The following NCOR1 variants were observed in gnomAD, a reference collection of about 807,000 sequenced individuals.
NCOR1 encodes the protein nuclear receptor corepressor 1, also known as protein phosphatase 1, regulatory subunit 109.
A neutral mutation model predicts 288.1 loss-of-function variants in NCOR1; 63 were observed. The ratio of observed to expected loss-of-function variants is 0.22; its 90% CI spans 0.18 to 0.27. The LOEUF is 0.27. Among genes scored for constraint, NCOR1 ranks in the 10% least tolerant of loss-of-function variants. The probability of loss-of-function intolerance (pLI) is 1.00; values close to 1 mark genes in which losing one functional copy is unlikely to be tolerated. For synonymous variants in NCOR1, 1,007 were observed against 1,065.9 expected (o/e 0.94, Z 1.08); for missense variants, 2,397 against 3,019.2 (o/e 0.79, Z 4.83).
In NCOR1 at chr17:16,206,165, T is replaced by C. The variant is rs541902827; in HGVS notation, c.-71+9197A>G. Reference sequence around the variant, plus strand: ...AACAATCTTTTGGAAGGAAAATGTATAAATATCTATCCATATCTACATTAT... The same window carrying C: ...AACAATCTTTTGGAAGGAAAATGTACAAATATCTATCCATATCTACATTAT... On this transcript the variant is annotated intron_variant, in intron 1 of 45. Coordinates refer to ENST00000268712, the MANE Select transcript of NCOR1 (RefSeq NM_006311.4). Among the ~76,000 whole-genome samples the C allele has an allele frequency of 2.5e-3, 382 of 152,062 alleles. 2 individuals carry two copies. Among genetic ancestry groups the C allele is most frequent in the African/African-American group, 8.9e-3 (371 of 41,494 alleles).
In NCOR1 at chr17:16,057,660, C is replaced by T. The variant is rs2060088712; in HGVS notation, c.6246G>A (p.Gln2082=). 2 of 1,613,448 alleles carry T rather than the reference C, an allele frequency of 1.2e-6. No homozygotes were observed. Among genetic ancestry groups the T allele is most frequent in the Non-Finnish European group, 8.5e-7 (1 of 1,179,836 alleles). ...TAGATACCAAAGCAGAAGGTGAGTTCTGGAATGTAGAAGTAGGAGGCTGCT... is the reference window on the plus strand; with the variant it reads ...TAGATACCAAAGCAGAAGGTGAGTTTTGGAATGTAGAAGTAGGAGGCTGCT... ...TPQQPPTSTF[Q]NSPSALVSTP... Residue 2082 remains glutamine (Q), a synonymous_variant, in exon 40 of 46, where the codon CAG becomes CAA. Coordinates refer to ENST00000268712, the MANE Select transcript of NCOR1 (RefSeq NM_006311.4).
chr17:16,165,579 A>G (rs887969088), intron 4 of NCOR1, among the ~76,000 whole-genome samples: 2 of 152,226 alleles, frequency 1.3e-5, no homozygotes, highest in African/African-American at 4.8e-5. Context: ...TGTCCACCCA[A>G]CTTAACAACT....
chr17:16,180,547 T>TG (rs1220905151), intron 3 of NCOR1, among the ~76,000 whole-genome samples: 7 of 152,028 alleles, frequency 4.6e-5, no homozygotes, highest in Non-Finnish European at 1.0e-4. Context: ...GGCCAGGAGT[T>TG]GGAGACCAGC....
rs1252735098 is a variant in NCOR1, at chr17:16,215,431, G to A, written c.-140C>T. The A allele has an allele frequency of 5.0e-6, 2 of 396,720 alleles. No homozygotes were observed. The highest frequency in any genetic ancestry group is 1.3e-4 in the South Asian group (1 of 7,834). The allele number at this position is 396,720 out of a possible 1,614,324, so 24.6% of individuals were successfully genotyped here. On this transcript the variant is annotated 5_prime_UTR_variant, in exon 1 of 46. Coordinates refer to ENST00000268712, the MANE Select transcript of NCOR1 (RefSeq NM_006311.4). ...GGAGTGGGACGCGGCCACGGCGCGCGGCCCTACACCGGGACCTCGTTCGGC... is the reference window on the plus strand; with the variant it reads ...GGAGTGGGACGCGGCCACGGCGCGCAGCCCTACACCGGGACCTCGTTCGGC...
Position 16,190,528 on chromosome 17 carries a change from A to T in NCOR1, c.109-3841T>A, listed in dbSNP as rs142719176. On this transcript the variant is annotated intron_variant, in intron 2 of 45. Transcript: ENST00000268712. ...TTTTTTTTTTTTGTATTTTTAGTAG[A>T]GACGGAGTTTCACCGTGTTAGCCAA... 3.1e-3 allele frequency among the ~76,000 whole-genome samples: 463 copies of T among 150,942 alleles called. 5 individuals carry two copies. The highest frequency in any genetic ancestry group is 0.01 in the African/African-American group (427 of 41,066).
intron 37 of NCOR1, among the ~76,000 whole-genome samples, chr17:16,059,607 C>T (rs976235184): frequency 1.3e-5 from 2 of 152,184 alleles, no homozygotes; most frequent in Non-Finnish European, 2.9e-5. Context: ...CTGCCATAGC[C>T]TCAGAGCTGA....
intron 12 of NCOR1, among the ~76,000 whole-genome samples, chr17:16,138,701 G>A (rs2153263950): frequency 6.6e-6 from 1 of 152,314 alleles, no homozygotes; most frequent in South Asian, 2.1e-4. Flanking sequence ...CATACACCAG[G>A]AAATGATTAG....
intron 14 of NCOR1, among the ~76,000 whole-genome samples, chr17:16,136,641 A>G (rs909481298): frequency 3.9e-5 from 6 of 152,026 alleles, no homozygotes; most frequent in African/African-American, 1.4e-4. Context: ...CCCCATCTCT[A>G]CTAAAAATAC....
Position 16,061,634 on chromosome 17 carries a change from G to A in NCOR1, c.5648C>T (p.Thr1883Ile). The A allele has an allele frequency of 2.5e-6, 4 of 1,614,242 alleles. No individual in the cohort carries two copies. Among genetic ancestry groups the A allele is most frequent in the Non-Finnish European group, 3.4e-6 (4 of 1,180,048 alleles). Residue 1883 changes from threonine to isoleucine, a missense_variant, in exon 37 of 46, where the codon ACT becomes ATT. Around this residue, in one of 11 missense-constraint regions of NCOR1, gnomAD observed 1,872 missense variants for 2,187.8 expected, o/e 0.86. Coordinates refer to ENST00000268712, the MANE Select transcript of NCOR1 (RefSeq NM_006311.4). ...CTTGCCACTTGGAAAGGCTGAAGAA[G>A]TGTATAAACACTGAACAGATCTCTT... ...VEKRSVQCLYTSSAFPSGKPQ... is the reference protein window; with the variant it reads ...VEKRSVQCLYISSAFPSGKPQ...
At position 16,155,370 on chromosome 17, in the gene NCOR1, T is replaced by TAC. The variant is rs1310916507; in HGVS notation, c.733-1977_733-1976dup. Among the ~76,000 whole-genome samples, 578 of 113,180 alleles carry TAC rather than the reference T, an allele frequency of 5.1e-3. 4 individuals are homozygous for TAC. The highest frequency in any genetic ancestry group is 0.034 in the Middle Eastern group (6 of 176). The allele number at this position is 113,180 out of a possible 152,430, so 74.3% of individuals were successfully genotyped here. On this transcript the variant is annotated intron_variant, in intron 6 of 45. Coordinates refer to ENST00000268712, the MANE Select transcript of NCOR1 (RefSeq NM_006311.4). ...TGTCTCAAAAAAAAAAAAAAAAAAA[T>TAC]ACACACACACACACACACACACCCA...
intron 21 of NCOR1, among the ~76,000 whole-genome samples, chr17:16,095,599 C>T (rs1326728669): frequency 2.7e-5 from 3 of 111,310 alleles, no homozygotes; most frequent in South Asian, 3.2e-4. Context: ...CGCCTCTGCC[C>T]GGCCGCCCCT....
chr17:16,160,112 G>A (rs1040161603), intron 5 of NCOR1, among the ~76,000 whole-genome samples: 1 of 152,050 alleles, frequency 6.6e-6, no homozygotes, highest in Non-Finnish European at 1.5e-5. Flanking sequence ...GATTACCGCT[G>A]TGAGCCACCA....
rs2060640261 is a variant in NCOR1 at position 16,062,402 on chromosome 17, A to G, written c.5222-132T>C. 4 of 964,518 alleles carry G rather than the reference A, an allele frequency of 4.1e-6. No homozygotes were observed. The Admixed American group carries it at 1.5e-4, about 37-fold the overall frequency. The allele number at this position is 964,518 out of a possible 1,614,324, so 59.7% of individuals were successfully genotyped here. ...AAAGAAAAACAAGATAAGAAACTTG[A>G]TAGTCTACTTTCTGGCCTTTCCAGA... On this transcript the variant is annotated intron_variant, in intron 35 of 45. Coordinates refer to ENST00000268712, the MANE Select transcript of NCOR1 (RefSeq NM_006311.4).
At chr17:16,197,080 A>C (rs1348318584) in intron 1 of NCOR1, among the ~76,000 whole-genome samples, 2 of 151,984 alleles carry the variant, frequency 1.3e-5, no homozygotes, top group African/African-American at 2.4e-5. Flanking sequence ...CACGCACTTT[A>C]GGAGGCCAGC....
At chr17:16,095,784 G>A (rs2066475628) in intron 21 of NCOR1, among the ~76,000 whole-genome samples, 1 of 151,248 alleles carries the variant, frequency 6.6e-6, no homozygotes. Flanking sequence ...ACTGGGAAGT[G>A]AGGAGCCCCT....
In NCOR1 at chr17:16,158,483, G is replaced by C. The variant is rs563553073; in HGVS notation, c.732+277C>G. On this transcript the variant is annotated intron_variant, in intron 6 of 45. Coordinates refer to ENST00000268712, the MANE Select transcript of NCOR1 (RefSeq NM_006311.4). ...CTTCCTTGCCAGAATTCATATAATA[G>C]GAGACTCAGCTGACAAAATTTCACT... Among the ~76,000 whole-genome samples the C allele has an allele frequency of 2.6e-4, 40 of 152,194 alleles. 2 individuals are homozygous for C. In the South Asian group the frequency reaches 6.8e-3, roughly 26 times the overall value.
At chr17:16,086,592 T>G in intron 22 of NCOR1, 150 bp from the exon 23 acceptor site, 1 of 751,164 alleles carries the variant, frequency 1.3e-6, no homozygotes, top group Non-Finnish European at 2.1e-6. Flanking sequence ...AAATTTCTCA[T>G]TCACGTAAGC....
chr17:16,204,182 C>A, intron 1 of NCOR1, among the ~76,000 whole-genome samples: 1 of 151,970 alleles, frequency 6.6e-6, no homozygotes, highest in Non-Finnish European at 1.5e-5. Context: ...AGAAATAGTC[C>A]CAAACACATT....
intron 3 of NCOR1, among the ~76,000 whole-genome samples, chr17:16,178,284 G>C (rs985054672): frequency 4.6e-5 from 7 of 152,026 alleles, no homozygotes; most frequent in Non-Finnish European, 8.8e-5. Flanking sequence ...CAAATCCCAA[G>C]GTCAGGAGAT....
Sources: gnomAD v4.1 joint callset for allele counts (sites outside exome capture counted in the v4.1 genomes callset) on GRCh38, gnomAD v4.1.1 for gene constraint, gnomAD v4.1.1 regional missense constraint, MANE v1.5 for transcripts, NCBI Gene and HGNC (gene_info 2026-07-23, HGNC 2026-07-21) for gene names.